The following ROBO2 variants were observed in gnomAD, a reference collection of about 807,000 sequenced individuals.
ROBO2 encodes the protein roundabout guidance receptor 2.
A neutral mutation model predicts 160.8 loss-of-function variants in ROBO2; 53 were observed. The observed-to-expected ratio is 0.33, with a 90% CI of 0.26 to 0.41. ROBO2 has a LOEUF of 0.41. ROBO2 is among the 10% of genes least tolerant of loss of function. The probability of loss-of-function intolerance (pLI) is 1.00; values close to 1 mark genes in which losing one functional copy is unlikely to be tolerated. For missense variants in ROBO2, 1,577 were observed against 1,722.4 expected, an observed-to-expected ratio of 0.92 and a Z score of 1.49; for synonymous variants, 664 against 611.7, an observed-to-expected ratio of 1.09 and a Z score of -1.26.
At chr3:76,231,481 TC>T in intron 2 of ROBO2, among the ~76,000 whole-genome samples, 1 of 152,320 alleles carries the variant, frequency 6.6e-6, no homozygotes, top group Admixed American at 6.5e-5. Context: ...AGTTTCAATT[TC>T]ATTTTTTCTT....
At chr3:76,570,493 T>C (rs1474645052) in intron 2 of ROBO2, among the ~76,000 whole-genome samples, 1 of 152,180 alleles carries the variant, frequency 6.6e-6, no homozygotes, top group Non-Finnish European at 1.5e-5. Context: ...GAGCAAAACA[T>C]ATTAACCATA....
At chr3:76,567,102 C>A (rs2084574548) in intron 2 of ROBO2, among the ~76,000 whole-genome samples, 1 of 152,112 alleles carries the variant, frequency 6.6e-6, no homozygotes, top group African/African-American at 2.4e-5. Context: ...AAGCTGTGAT[C>A]AGCAAATAAG....
At chr3:76,316,339 A>G (rs988722189) in intron 2 of ROBO2, among the ~76,000 whole-genome samples, 2 of 152,120 alleles carry the variant, frequency 1.3e-5, no homozygotes, top group Non-Finnish European at 2.9e-5. Flanking sequence ...AAGGAATGCA[A>G]TTCTTTTCCT....
intron 1 of ROBO2, among the ~76,000 whole-genome samples, chr3:75,936,424 T>G (rs534774630): frequency 6.6e-6 from 1 of 152,206 alleles, no homozygotes; most frequent in African/African-American, 2.4e-5. Context: ...TGTGGAAAAA[T>G]TGGGATTTAG....
At chr3:77,050,211 C>T (rs893365797) in intron 1 of ROBO2, among the ~76,000 whole-genome samples, 1 of 152,062 alleles carries the variant, frequency 6.6e-6, no homozygotes, top group Admixed American at 6.6e-5. Flanking sequence ...TAATACGTTG[C>T]CAGATAACAG....
Position 77,322,586 on chromosome 3 carries a change from G to A in ROBO2, c.389-154828G>A, listed in dbSNP as rs74554761. On this transcript the variant is annotated intron_variant, in intron 2 of 25. Transcript: ENST00000461745. ...TAAGACCTAGGTAATCTGTAAGTAA[G>A]GAAATGGGATGTCAGGAGAGAAATT... Among the ~76,000 whole-genome samples the A allele has an allele frequency of 1.3e-4, 19 of 151,628 alleles. No individual in the cohort carries two copies. In the East Asian group the frequency reaches 3.5e-3, roughly 28 times the overall value.
At chr3:76,396,409 G>A (rs1156547470) in intron 2 of ROBO2, among the ~76,000 whole-genome samples, 1 of 152,062 alleles carries the variant, frequency 6.6e-6, no homozygotes, top group East Asian at 1.9e-4. Context: ...TTGAAAACTG[G>A]CACAAGACAG....
At chr3:76,962,219 AAGCTACTTGGGAGGCTG>A (rs1296413719) in intron 2 of ROBO2, among the ~76,000 whole-genome samples, 2 of 151,964 alleles carry the variant, frequency 1.3e-5, no homozygotes, top group African/African-American at 2.4e-5. Context: ...CCTGTAATCC[AAGCTACTTGGGAGGCTG>A]AGGCAGGAGA....
rs9831398 is a variant in ROBO2 at position 76,899,327 on chromosome 3, T to C, written c.110-198687T>C. 5.9e-3 allele frequency among the ~76,000 whole-genome samples: 902 copies of C among 152,204 alleles called. 6 individuals are homozygous for C. The highest frequency in any genetic ancestry group is 0.021 in the African/African-American group (880 of 41,526). On this transcript the variant is annotated intron_variant, in intron 2 of 26. Coordinates refer to the ROBO2 transcript ENST00000487694. The stretch of plus-strand genomic sequence containing the variant: ...CGTATGTCAAAAACATTCAAGTTCA[T>C]GTATGTGTGATGGTTATTAAGTAAA...
At chr3:76,875,868 GGT>G (rs1193474292) in intron 2 of ROBO2, among the ~76,000 whole-genome samples, 2 of 152,010 alleles carry the variant, frequency 1.3e-5, no homozygotes, top group African/African-American at 4.8e-5. Context: ...TGACCAGGCT[GGT>G]CTTGAACTCC....
intron 2 of ROBO2, among the ~76,000 whole-genome samples, chr3:77,459,155 C>G: frequency 6.6e-6 from 1 of 152,124 alleles, no homozygotes; most frequent in East Asian, 1.9e-4. Flanking sequence ...TTTTTCTGAT[C>G]ATTTGAATAC....
At chr3:77,246,089 A>AAT (rs1336663181) in intron 2 of ROBO2, among the ~76,000 whole-genome samples, 9 of 152,188 alleles carry the variant, frequency 5.9e-5, no homozygotes, top group Non-Finnish European at 1.3e-4. Context: ...TTATGTTAAA[A>AAT]ATATATAGTG....
intron 24 of ROBO2, among the ~76,000 whole-genome samples, chr3:77,639,409 G>A (rs1014146931): frequency 2.0e-5 from 3 of 152,116 alleles, no homozygotes; most frequent in Non-Finnish European, 2.9e-5. Context: ...AAAAACAAAG[G>A]GAAGGGAGTT....
intron 2 of ROBO2, among the ~76,000 whole-genome samples, chr3:76,421,678 A>T (rs1455470722): frequency 1.3e-5 from 2 of 152,050 alleles, no homozygotes; most frequent in East Asian, 3.9e-4. Flanking sequence ...GTAAGCAGAG[A>T]TCGTGCCATT....
chr3:76,710,433 A>G (rs796719126), intron 2 of ROBO2, among the ~76,000 whole-genome samples: 9 of 152,254 alleles, frequency 5.9e-5, no homozygotes, highest in African/African-American at 1.7e-4. Flanking sequence ...CTATTCTCAT[A>G]TTCAGAAAAA....
chr3:76,635,598 C>T (rs2090286972), intron 2 of ROBO2, among the ~76,000 whole-genome samples: 2 of 152,200 alleles, frequency 1.3e-5, no homozygotes, highest in South Asian at 4.1e-4. Flanking sequence ...CTTACTCTTT[C>T]ATTACCTTTG....
chr3:77,570,234 A>C (rs1279438917), intron 13 of ROBO2, among the ~76,000 whole-genome samples: 1 of 152,040 alleles, frequency 6.6e-6, no homozygotes, highest in Non-Finnish European at 1.5e-5. Flanking sequence ...AATCAAAGTC[A>C]TTATGTTGAT....
chr3:77,458,682 GA>G (rs2081943673), intron 2 of ROBO2, among the ~76,000 whole-genome samples: 1 of 151,576 alleles, frequency 6.6e-6, no homozygotes, highest in Non-Finnish European at 1.5e-5. Flanking sequence ...CATGAATTTT[GA>G]ATTAAAAATA....
intron 2 of ROBO2, among the ~76,000 whole-genome samples, chr3:76,370,504 A>G (rs959049164): frequency 6.6e-6 from 1 of 151,816 alleles, no homozygotes; most frequent in Non-Finnish European, 1.5e-5. Flanking sequence ...AAATTAGTGG[A>G]TTATATTATT....
Sources: gnomAD v4.1 joint callset for allele counts (sites outside exome capture counted in the v4.1 genomes callset) on GRCh38, gnomAD v4.1.1 for gene constraint, MANE v1.5 for transcripts, NCBI Gene and HGNC (gene_info 2026-07-23, HGNC 2026-07-21) for gene names.